Variants in BTBD8 observed in about 807,000 individuals in gnomAD.
BTBD8 encodes the protein BTB/POZ domain-containing protein 8.
BTBD8 carries 110 observed loss-of-function variants against 162.9 expected under a neutral mutation model. That is an observed-to-expected ratio of 0.68 (90% CI 0.58 to 0.79). The LOEUF is 0.79. Among genes scored for constraint, BTBD8 ranks in the 30% least tolerant of loss-of-function variants. The probability of loss-of-function intolerance (pLI) is 0.00; values close to 1 mark genes in which losing one functional copy is unlikely to be tolerated. For missense variants in BTBD8, 1,905 were observed against 2,085.4 expected (o/e 0.91, Z 1.68); for synonymous variants, 667 against 716.1 (o/e 0.93, Z 1.10).
At chr1:92,127,053 C>T (rs773607749) in intron 4 of BTBD8, among the ~76,000 whole-genome samples, 4 of 151,822 alleles carry the variant, frequency 2.6e-5, no homozygotes, top group Admixed American at 2.0e-4. Context: ...TTTTTTTAAC[C>T]AGAATTTTTG....
intron 16 of BTBD8, among the ~76,000 whole-genome samples, chr1:92,179,224 C>T (rs981977448): frequency 2.6e-4 from 38 of 143,806 alleles, no homozygotes; most frequent in Admixed American, 2.4e-3. Context: ...CCAGGCTGGG[C>T]GACAGAGCGA....
intron 4 of BTBD8, 46 bp downstream of exon 4, chr1:92,108,047 T>C (rs995721126): frequency 2.0e-6 from 3 of 1,523,860 alleles, no homozygotes; most frequent in African/African-American, 1.4e-5. Flanking sequence ...GGCTGTAGAG[T>C]GTGGAAGGGC....
At chr1:92,082,224 T>TAAAAC (rs890442023) in intron 1 of BTBD8, among the ~76,000 whole-genome samples, 14 of 151,010 alleles carry the variant, frequency 9.3e-5, no homozygotes, top group African/African-American at 1.2e-4. Flanking sequence ...GGTTTTTTTT[T>TAAAAC]AAAACAAAAC....
At chr1:92,091,771 A>G (rs1256455594) in intron 2 of BTBD8, among the ~76,000 whole-genome samples, 4 of 152,156 alleles carry the variant, frequency 2.6e-5, no homozygotes, top group Non-Finnish European at 5.9e-5. Flanking sequence ...TAATGTTTTT[A>G]TATTTTTAAC....
rs753160807 is a variant in BTBD8, at chr1:92,114,604, C to A, written c.662+6603C>A. Among the ~76,000 whole-genome samples the A allele has an allele frequency of 2.9e-4, 44 of 152,096 alleles. 1 individual carries two copies. The highest frequency in any genetic ancestry group is 3.4e-3 in the Middle Eastern group (1 of 294). On this transcript the variant is annotated intron_variant, in intron 4 of 17. Transcript: ENST00000636805. Reference sequence around the variant, plus strand: ...TTATAGAAAAATAAAAACTATATAGCAAACTTAGTACATTAAATATTCATT... The same window carrying A: ...TTATAGAAAAATAAAAACTATATAGAAAACTTAGTACATTAAATATTCATT...
chr1:92,144,518 A>G (rs1435514723), intron 7 of BTBD8, among the ~76,000 whole-genome samples: 1 of 150,784 alleles, frequency 6.6e-6, no homozygotes, highest in Non-Finnish European at 1.5e-5. Flanking sequence ...AATTAAAAGT[A>G]TACTTTAGGC....
intron 4 of BTBD8, among the ~76,000 whole-genome samples, chr1:92,113,829 G>A (rs1042712928): frequency 1.1e-4 from 17 of 151,782 alleles, no homozygotes; most frequent in Admixed American, 2.6e-4. Context: ...TGGCTAACTC[G>A]GTGAAACCCT....
chr1:92,179,224 C>G (rs981977448), intron 16 of BTBD8, among the ~76,000 whole-genome samples: 4 of 143,804 alleles, frequency 2.8e-5, no homozygotes, highest in Non-Finnish European at 6.0e-5. Context: ...CCAGGCTGGG[C>G]GACAGAGCGA....
intron 9 of BTBD8, among the ~76,000 whole-genome samples, chr1:92,159,992 T>G (rs1650245350): frequency 1.3e-5 from 2 of 152,180 alleles, no homozygotes. Context: ...CTGACACTTT[T>G]TCTCCTTTCT....
intron 4 of BTBD8, among the ~76,000 whole-genome samples, chr1:92,110,861 A>C (rs2101910121): frequency 6.6e-6 from 1 of 151,826 alleles, no homozygotes; most frequent in South Asian, 2.1e-4. Context: ...CCCATTTTTT[A>C]ATGTAATTTA....
chr1:92,117,666 A>C lies in BTBD8; in HGVS notation c.662+9665A>C, dbSNP rs188406808. Reference sequence around the variant, plus strand: ...AGGGAGTATCTACTCTGATTTCTGCAGTTCTTCATGACTCCCTCTTCTATA... The same window carrying C: ...AGGGAGTATCTACTCTGATTTCTGCCGTTCTTCATGACTCCCTCTTCTATA... On this transcript the variant is annotated intron_variant, in intron 4 of 17. Transcript: ENST00000636805. 2.2e-4 allele frequency among the ~76,000 whole-genome samples: 34 copies of C among 152,112 alleles called. 1 individual carries two copies. Among genetic ancestry groups the C allele is most frequent in the African/African-American group, 7.7e-4 (32 of 41,376 alleles).
At chr1:92,094,258 T>A (rs1648391856) in intron 2 of BTBD8, among the ~76,000 whole-genome samples, 1 of 152,244 alleles carries the variant, frequency 6.6e-6, no homozygotes, top group South Asian at 2.1e-4. Context: ...GTCTCACTGA[T>A]GTGCACATCT....
At chr1:92,115,793 TCA>T in intron 4 of BTBD8, 1 of 215,584 alleles carries the variant, frequency 4.6e-6, no homozygotes, top group Non-Finnish European at 9.6e-6. Context: ...ACTCTGGGCT[TCA>T]CTTTTACCAT....
chr1:92,130,266 T>C (rs1047573149), intron 5 of BTBD8, among the ~76,000 whole-genome samples: 1 of 152,150 alleles, frequency 6.6e-6, no homozygotes, highest in Non-Finnish European at 1.5e-5. Context: ...AGAGGCCCCA[T>C]CTCTAAATAT....
At chr1:92,139,646 G>C in intron 6 of BTBD8, 2 of 897,126 alleles carry the variant, frequency 2.2e-6, no homozygotes, top group Non-Finnish European at 2.7e-6. Context: ...ATTGAGAACA[G>C]TCTTTATTAG....
Position 92,147,804 on chromosome 1 carries a change from A to T in BTBD8, c.1122+18A>T. 1.3e-6 allele frequency: 2 copies of T among 1,572,240 alleles called. No homozygotes were observed. The highest frequency in any genetic ancestry group is 1.7e-6 in the Non-Finnish European group (2 of 1,150,032). On this transcript the variant is annotated intron_variant, in intron 9 of 17. Transcript: ENST00000636805. ...AGTCCTTAGTAAGTATAACCTGAAT[A>T]CTCTTTTGTGTGTTTGCCATTAAAA...
At chr1:92,147,632 A>G (rs1649955482) in intron 8 of BTBD8, 52 bp from the exon 9 acceptor site, 4 of 1,440,384 alleles carry the variant, frequency 2.8e-6, no homozygotes, top group Non-Finnish European at 3.8e-6. Flanking sequence ...ATTGACTATT[A>G]TAATGAAAAA....
At chr1:92,118,799 C>CTT (rs1399053364) in intron 4 of BTBD8, among the ~76,000 whole-genome samples, 3 of 70,476 alleles carry the variant, frequency 4.3e-5, no homozygotes, top group Non-Finnish European at 8.1e-5. Context: ...GCTTTTCTTT[C>CTT]TTTCTTTTTT....
intron 4 of BTBD8, among the ~76,000 whole-genome samples, chr1:92,111,023 G>T: frequency 6.8e-6 from 1 of 146,716 alleles, no homozygotes; most frequent in African/African-American, 2.5e-5. Context: ...ACAAAGTCTT[G>T]CTCTTTTGCC....
Sources: allele counts gnomAD v4.1 joint callset (sites outside exome capture counted in the v4.1 genomes callset), GRCh38; gene constraint gnomAD v4.1.1; transcripts MANE v1.5; gene names NCBI Gene and HGNC (gene_info 2026-07-23, HGNC 2026-07-21).